TSPAN9: variants seen among roughly 807,000 people sequenced by gnomAD.
The protein encoded by TSPAN9 is tetraspanin 9, also known as tetraspanin-9.
Under a neutral mutation model 31.0 loss-of-function variants are expected in TSPAN9, and 16 were observed. The observed-to-expected ratio is 0.52, with a 90% CI of 0.35 to 0.78. The LOEUF is 0.78. Among genes scored for constraint, TSPAN9 ranks in the 30% least tolerant of loss-of-function variants. The pLI is 0.01. For synonymous variants in TSPAN9, 145 were observed against 121.6 expected, an observed-to-expected ratio of 1.19 and a Z score of -1.27; for missense variants, 272 against 312.5, an observed-to-expected ratio of 0.87 and a Z score of 0.98.
At chr12:3,227,499 G>A (rs971508621) in intron 3 of TSPAN9, among the ~76,000 whole-genome samples, 5 of 152,226 alleles carry the variant, frequency 3.3e-5, no homozygotes, top group African/African-American at 1.2e-4. Context: ...GACTCCCCGT[G>A]GAGGGTGAAA....
chr12:3,247,299 GCC>G (rs61516990), intron 3 of TSPAN9, among the ~76,000 whole-genome samples: 627 of 37,450 alleles, frequency 0.017, 61 homozygotes, highest in African/African-American at 0.032. Context: ...TTACTGGCCA[GCC>G]CCCCCCCCCC....
At chr12:3,207,325 C>A (rs1466608929) in intron 3 of TSPAN9, among the ~76,000 whole-genome samples, 5 of 152,078 alleles carry the variant, frequency 3.3e-5, no homozygotes, top group African/African-American at 1.2e-4. Context: ...TGTGATATGC[C>A]TGTTTATTTG....
At position 3,282,283 on chromosome 12, in the gene TSPAN9, C is replaced by T. The variant is rs561848902; in HGVS notation, c.648+466C>T. 9.2e-5 allele frequency among the ~76,000 whole-genome samples: 14 copies of T among 152,288 alleles called. No individual in the cohort carries two copies. In the East Asian group the frequency reaches 9.7e-4, roughly 11 times the overall value. ...GGATTCAGGAGGGAAGGGGCACAAACGAGTAGTGACGTGGTCCTGAGCACA... is the reference window on the plus strand; with the variant it reads ...GGATTCAGGAGGGAAGGGGCACAAATGAGTAGTGACGTGGTCCTGAGCACA... On this transcript the variant is annotated intron_variant, in intron 8 of 8. Coordinates refer to ENST00000011898, the MANE Select transcript of TSPAN9 (RefSeq NM_006675.5).
At chr12:3,207,655 T>A (rs1366432651) in intron 3 of TSPAN9, among the ~76,000 whole-genome samples, 1 of 152,164 alleles carries the variant, frequency 6.6e-6, no homozygotes, top group Non-Finnish European at 1.5e-5. Flanking sequence ...CCAGCAAACT[T>A]TGAGGCTCCC....
intron 2 of TSPAN9, among the ~76,000 whole-genome samples, chr12:3,098,098 C>T (rs2098310033): frequency 6.6e-6 from 1 of 152,192 alleles, no homozygotes. Flanking sequence ...CAGAGCGGGT[C>T]AGTGGGAAGA....
intron 2 of TSPAN9, among the ~76,000 whole-genome samples, chr12:3,175,558 C>T (rs1055890491): frequency 6.6e-6 from 1 of 152,236 alleles, no homozygotes; most frequent in African/African-American, 2.4e-5. Context: ...GACCCAGCCT[C>T]TCTCGCTGTG....
At chr12:3,249,723 A>G (rs1862212416) in intron 3 of TSPAN9, among the ~76,000 whole-genome samples, 1 of 152,144 alleles carries the variant, frequency 6.6e-6, no homozygotes, top group Non-Finnish European at 1.5e-5. Context: ...CAGGGCAGAC[A>G]TCCTTACCTT....
intron 3 of TSPAN9, among the ~76,000 whole-genome samples, chr12:3,273,503 T>A (rs1565642114): frequency 1.3e-5 from 2 of 152,144 alleles, no homozygotes; most frequent in Admixed American, 1.3e-4. Context: ...TCACCCCAGA[T>A]TGTCCCATCG....
Position 3,147,352 on chromosome 12 carries a change from C to T in TSPAN9, c.-17-53825C>T, listed in dbSNP as rs1158341940. Among the ~76,000 whole-genome samples, 2 of 151,990 alleles carry T rather than the reference C, an allele frequency of 1.3e-5. No homozygotes were observed. The highest frequency in any genetic ancestry group is 2.9e-5 in the Non-Finnish European group (2 of 68,024). On this transcript the variant is annotated intron_variant, in intron 2 of 8. Coordinates refer to ENST00000011898, the MANE Select transcript of TSPAN9 (RefSeq NM_006675.5). The surrounding 1 kb of genome is among the most constrained non-coding windows in gnomAD (Gnocchi z 4.3). ...AAAATGCAGTGTGGTGTGACAGCTG[C>T]CTGCTGCATCCTGCTGAGTGTTGGG...
At chr12:3,211,604 T>G in intron 3 of TSPAN9, 1 of 1,162,100 alleles carries the variant, frequency 8.6e-7, no homozygotes, top group Non-Finnish European at 1.2e-6. Flanking sequence ...TTTTTTTTTT[T>G]TTTTATCCAA....
chr12:3,084,819 C>A (rs2098299607), intron 2 of TSPAN9, among the ~76,000 whole-genome samples: 1 of 152,226 alleles, frequency 6.6e-6, no homozygotes, highest in Non-Finnish European at 1.5e-5. Flanking sequence ...AGCCCAGATG[C>A]TATGACCCTG....
chr12:3,092,371 T>TG (rs1205214311), intron 2 of TSPAN9, among the ~76,000 whole-genome samples: 1 of 152,188 alleles, frequency 6.6e-6, no homozygotes, highest in Non-Finnish European at 1.5e-5. Context: ...TTGGCCCAGG[T>TG]GCTCCGTGTG....
intron 1 of TSPAN9, among the ~76,000 whole-genome samples, chr12:3,081,001 G>GT (rs1555138182): frequency 6.6e-6 from 1 of 152,220 alleles, no homozygotes; most frequent in Non-Finnish European, 1.5e-5. Flanking sequence ...AAGTGAATGA[G>GT]TGAGTGGGTT....
intron 2 of TSPAN9, among the ~76,000 whole-genome samples, chr12:3,128,549 C>T (rs2098328351): frequency 6.6e-6 from 1 of 152,160 alleles, no homozygotes; most frequent in Non-Finnish European, 1.5e-5. Flanking sequence ...CATAGTGAGA[C>T]CCTGTCTCAA....
At chr12:3,118,073 T>C in intron 2 of TSPAN9, among the ~76,000 whole-genome samples, 1 of 70,908 alleles carries the variant, frequency 1.4e-5, no homozygotes, top group South Asian at 4.2e-4. Flanking sequence ...TTAAGACTCT[T>C]TTTCTCGCCT....
rs934971743 is a variant in TSPAN9, at chr12:3,107,237, G to A, written c.-18+23518G>A. Among the ~76,000 whole-genome samples, 10 of 152,198 alleles carry A rather than the reference G, an allele frequency of 6.6e-5. No individual in the cohort carries two copies. Among genetic ancestry groups the A allele is most frequent in the Non-Finnish European group, 1.2e-4 (8 of 68,022 alleles). Reference sequence around the variant, plus strand: ...TAGAAAGCTGCCTCCATAAATTTGAGTTAGAGTGGTGGAGGGGCCAGACTG... The same window carrying A: ...TAGAAAGCTGCCTCCATAAATTTGAATTAGAGTGGTGGAGGGGCCAGACTG... On this transcript the variant is annotated intron_variant, in intron 2 of 8. Transcript: ENST00000011898. This position sits in a 1 kb window ranked among gnomAD's most constrained non-coding sequence, Gnocchi z 4.1.
chr12:3,079,137 G>T (rs771608146), intron 1 of TSPAN9, among the ~76,000 whole-genome samples: 1 of 151,834 alleles, frequency 6.6e-6, no homozygotes. Flanking sequence ...GTGCCGCCAC[G>T]CCTTCTAATT....
At chr12:3,136,742 A>T (rs1276562751) in intron 2 of TSPAN9, among the ~76,000 whole-genome samples, 2 of 152,190 alleles carry the variant, frequency 1.3e-5, no homozygotes, top group African/African-American at 4.8e-5. Context: ...CCCAGCCAGT[A>T]AGTAAACAGG....
chr12:3,268,928 G>C (rs1257123850), intron 3 of TSPAN9, among the ~76,000 whole-genome samples: 1 of 100,322 alleles, frequency 1.0e-5, no homozygotes. Context: ...CTGTGTTCCT[G>C]CAGCCTGCCC....
Sources: allele counts gnomAD v4.1 joint callset (sites outside exome capture counted in the v4.1 genomes callset), GRCh38; gene constraint gnomAD v4.1.1; non-coding constraint Gnocchi (gnomAD v3.1); transcripts MANE v1.5; gene names NCBI Gene and HGNC (gene_info 2026-07-23, HGNC 2026-07-21).